Variants in ZNF804B observed in about 807,000 individuals in gnomAD.
ZNF804B encodes zinc finger 804B.
A neutral mutation model predicts 101.4 loss-of-function variants in ZNF804B; 80 were observed. The observed-to-expected ratio is 0.79, with a 90% confidence interval of 0.66 to 0.95. The LOEUF (loss-of-function observed/expected upper bound fraction) is 0.95. ZNF804B is among the 40% of genes least tolerant of loss of function. The pLI is 0.00. For synonymous variants in ZNF804B, 622 were observed against 558.8 expected (o/e 1.11, Z -1.59); for missense variants, 1,673 against 1,561.9 (o/e 1.07, Z -1.20).
At chr7:89,161,941 A>G (rs1791070652) in intron 1 of ZNF804B, among the ~76,000 whole-genome samples, 1 of 150,208 alleles carries the variant, frequency 6.7e-6, no homozygotes, top group African/African-American at 2.5e-5. Flanking sequence ...ATGATTTGTC[A>G]TAAACAGCAT....
At chr7:88,948,306 A>ATTTTTTTTTTTTTTTTTTTTTTTTTTTT (rs68069374) in intron 1 of ZNF804B, among the ~76,000 whole-genome samples, 3 of 92,704 alleles carry the variant, frequency 3.2e-5, no homozygotes, top group African/African-American at 4.7e-5. Flanking sequence ...CCACCCATCC[A>ATTTTTTTTTTTTTTTTTTTTTTTTTTTT]TTTTTTTTTT....
chr7:89,187,316 G>A (rs1174558199), intron 1 of ZNF804B, among the ~76,000 whole-genome samples: 1 of 152,026 alleles, frequency 6.6e-6, no homozygotes, highest in African/African-American at 2.4e-5. Context: ...AATTTTGATG[G>A]ATCATATTCT....
intron 1 of ZNF804B, among the ~76,000 whole-genome samples, chr7:88,929,816 T>C (rs1792856831): frequency 6.6e-6 from 1 of 151,996 alleles, no homozygotes; most frequent in African/African-American, 2.4e-5. Context: ...GTGATGTCTT[T>C]TCACAGAGAT....
chr7:89,328,230 G>A (rs1402251535), intron 3 of ZNF804B, among the ~76,000 whole-genome samples: 1 of 151,800 alleles, frequency 6.6e-6, no homozygotes, highest in Non-Finnish European at 1.5e-5. Flanking sequence ...ATAATAAACA[G>A]GAGTGAGTGG....
At chr7:88,860,057 T>C (rs1299479793) in intron 1 of ZNF804B, among the ~76,000 whole-genome samples, 1 of 152,022 alleles carries the variant, frequency 6.6e-6, no homozygotes, top group African/African-American at 2.4e-5. Context: ...TAATGTTCTC[T>C]TGCGTCTGTT....
chr7:88,937,373 G>T (rs1056662555), intron 1 of ZNF804B, among the ~76,000 whole-genome samples: 4 of 152,012 alleles, frequency 2.6e-5, no homozygotes, highest in Non-Finnish European at 4.4e-5. Context: ...CAAATAAAGA[G>T]CCTAAGCTTA....
chr7:89,304,780 A>T (rs968821686), intron 2 of ZNF804B, among the ~76,000 whole-genome samples: 1 of 151,938 alleles, frequency 6.6e-6, no homozygotes, highest in Non-Finnish European at 1.5e-5. Context: ...CAGACCTCCC[A>T]TCTAAGTCCA....
intron 1 of ZNF804B, among the ~76,000 whole-genome samples, chr7:88,761,838 G>A (rs2115605791): frequency 6.6e-6 from 1 of 152,240 alleles, no homozygotes; most frequent in South Asian, 2.1e-4. Context: ...CAAATCTGTA[G>A]GGCTTGCAGA....
intron 2 of ZNF804B, among the ~76,000 whole-genome samples, chr7:89,278,393 G>C (rs2115860209): frequency 6.6e-6 from 1 of 150,724 alleles, no homozygotes. Context: ...TGTTGCCATT[G>C]CTTTCGGTGT....
At chr7:89,032,267 G>A (rs902298832) in intron 1 of ZNF804B, among the ~76,000 whole-genome samples, 1 of 150,958 alleles carries the variant, frequency 6.6e-6, no homozygotes, top group African/African-American at 2.4e-5. Context: ...GGAAATGTAT[G>A]CCCCGAAAAC....
intron 2 of ZNF804B, among the ~76,000 whole-genome samples, chr7:89,324,909 T>C (rs1790876319): frequency 6.6e-6 from 1 of 152,002 alleles, no homozygotes. Flanking sequence ...TTTATACTTT[T>C]ATTTCCTGCT....
At chr7:88,934,543 C>A (rs759994787) in intron 1 of ZNF804B, among the ~76,000 whole-genome samples, 2 of 151,320 alleles carry the variant, frequency 1.3e-5, no homozygotes, top group African/African-American at 2.4e-5. Context: ...GAACTCAAAT[C>A]GGCAAGAAAA....
At chr7:88,926,909 G>C (rs1792808579) in intron 1 of ZNF804B, among the ~76,000 whole-genome samples, 1 of 138,102 alleles carries the variant, frequency 7.2e-6, no homozygotes, top group African/African-American at 2.9e-5. Context: ...ATAAATTATA[G>C]ACCACACTTA....
At chr7:88,816,575 T>C (rs1583954888) in intron 1 of ZNF804B, among the ~76,000 whole-genome samples, 1 of 151,014 alleles carries the variant, frequency 6.6e-6, no homozygotes, top group East Asian at 2.0e-4. Context: ...GGGCAAAGGA[T>C]ATGAACAGAC....
chr7:89,317,501 G>A (rs997194151), intron 2 of ZNF804B, among the ~76,000 whole-genome samples: 12 of 152,196 alleles, frequency 7.9e-5, no homozygotes, highest in African/African-American at 2.4e-4. Flanking sequence ...GTTAACTAGA[G>A]CTTTTCTATG....
At chr7:88,922,114 A>G (rs951606264) in intron 1 of ZNF804B, among the ~76,000 whole-genome samples, 7 of 152,000 alleles carry the variant, frequency 4.6e-5, no homozygotes, top group Admixed American at 2.6e-4. Flanking sequence ...TCTGTTCAGA[A>G]TTTTCAGATT....
At chr7:89,068,408 T>G (rs1459474023) in intron 1 of ZNF804B, among the ~76,000 whole-genome samples, 1 of 152,114 alleles carries the variant, frequency 6.6e-6, no homozygotes, top group Admixed American at 6.6e-5. Flanking sequence ...AAACCAAATA[T>G]CTGCATAAAG....
intron 2 of ZNF804B, among the ~76,000 whole-genome samples, chr7:89,252,842 T>A (rs1789563285): frequency 6.6e-6 from 1 of 152,064 alleles, no homozygotes; most frequent in Non-Finnish European, 1.5e-5. Context: ...TAGTTACACA[T>A]GGACATAAAG....
intron 2 of ZNF804B, among the ~76,000 whole-genome samples, chr7:89,261,649 A>T (rs1351557462): frequency 1.3e-5 from 2 of 152,194 alleles, no homozygotes; most frequent in Admixed American, 6.5e-5. Context: ...CTACACACCT[A>T]ATCTATATGG....
Sources: gnomAD v4.1 joint callset for allele counts (sites outside exome capture counted in the v4.1 genomes callset) on GRCh38, gnomAD v4.1.1 for gene constraint, MANE v1.5 for transcripts, NCBI Gene and HGNC (gene_info 2026-07-23, HGNC 2026-07-21) for gene names.